SRF: variants seen among roughly 807,000 people sequenced by gnomAD.
SRF encodes c-fos serum response element-binding transcription factor.
In SRF, 7 loss-of-function variants were observed where a neutral mutation model predicts 37.1. That is an observed-to-expected ratio of 0.19 (90% CI 0.11 to 0.35). SRF has a LOEUF of 0.35. Among genes scored for constraint, SRF ranks in the 10% least tolerant of loss-of-function variants. The pLI is 1.00. For missense variants in SRF, 395 were observed against 694.4 expected (o/e 0.57, Z 4.85); for synonymous variants, 285 against 310.1 (o/e 0.92, Z 0.85).
chr6:43,179,319 C>T lies in SRF; in HGVS notation c.*129C>T. ...GGCGGGGAGGAGGAACGGGCAGCCA[C>T]AGGACTGAGCCCTCTCACTCCAGCC... On this transcript the variant is annotated 3_prime_UTR_variant, in exon 7 of 7. Coordinates refer to ENST00000265354, the MANE Select transcript of SRF (RefSeq NM_003131.4). This position sits in a 1 kb window ranked among gnomAD's most constrained non-coding sequence, Gnocchi z 5.3. 3 of 922,686 alleles carry T rather than the reference C, an allele frequency of 3.3e-6. No homozygotes were observed. The highest frequency in any genetic ancestry group is 5.0e-6 in the Non-Finnish European group (3 of 595,404). 57.2% of individuals were successfully genotyped at this position (922,686 alleles called of 1,614,324 possible).
In SRF at chr6:43,171,924, G is replaced by A; in HGVS notation, c.268G>A (p.Glu90Lys). 6.8e-7 allele frequency: 1 copy of A among 1,461,412 alleles called. No individual in the cohort carries two copies. Among genetic ancestry groups the A allele is most frequent in the Non-Finnish European group, 9.0e-7 (1 of 1,107,490 alleles). The allele number at this position is 1,461,412 out of a possible 1,614,324, so 90.5% of individuals were successfully genotyped here. ...CGACTCGGAGTCGGGCGAGGAGGAGGAGCTGGGCGCCGAGCGGCGCGGCCT... is the reference window on the plus strand; with the variant it reads ...CGACTCGGAGTCGGGCGAGGAGGAGAAGCTGGGCGCCGAGCGGCGCGGCCT... ...EGDSESGEEE[E>K]LGAERRGLKR... is the part of the protein sequence containing the mutation. Residue 90 changes from glutamate (E) to lysine (K), a missense_variant, in exon 1 of 7, where the codon GAG becomes AAG. Coordinates refer to ENST00000265354, the MANE Select transcript of SRF (RefSeq NM_003131.4). This position sits in a 1 kb window ranked among gnomAD's most constrained non-coding sequence, Gnocchi z 6.5.
chr6:43,178,959 C>T lies in SRF; in HGVS notation c.1431+77C>T, dbSNP rs1772254768. ...ACCTTAGGGGATCCTGTTACCAGTT[C>T]ATCAAAGCCAAAATCCCTAGCCTGG... On this transcript the variant is annotated intron_variant, in intron 6 of 6. Transcript: ENST00000265354. The surrounding 1 kb of genome is among the most constrained non-coding windows in gnomAD (Gnocchi z 4.3). 2 of 1,574,228 alleles carry T rather than the reference C, an allele frequency of 1.3e-6. No individual in the cohort carries two copies. Among genetic ancestry groups the T allele is most frequent in the Non-Finnish European group, 8.7e-7 (1 of 1,143,930 alleles).
rs1772096935 is a variant in SRF, at chr6:43,171,567, G to C, written c.-90G>C. On this transcript the variant is annotated 5_prime_UTR_variant, in exon 1 of 7. Coordinates refer to ENST00000265354, the MANE Select transcript of SRF (RefSeq NM_003131.4). The surrounding 1 kb of genome is among the most constrained non-coding windows in gnomAD (Gnocchi z 6.5). ...GATAGCGGCACTAGCAGCAGCGGGA[G>C]TGCCGGGTTGAGCCGGGAAGCCGAT... is the stretch of plus-strand genomic sequence containing the variant. 1 of 1,159,532 alleles carries C rather than the reference G, an allele frequency of 8.6e-7. No homozygotes were observed. The highest frequency in any genetic ancestry group is 1.6e-5 in the African/African-American group (1 of 61,750). 71.8% of individuals were successfully genotyped at this position (1,159,532 alleles called of 1,614,324 possible).
Position 43,176,677 on chromosome 6 carries a change from G to A in SRF, c.1162+10G>A, listed in dbSNP as rs1310215658. On this transcript the variant is annotated intron_variant, in intron 4 of 6. Coordinates refer to ENST00000265354, the MANE Select transcript of SRF (RefSeq NM_003131.4). This position sits in a 1 kb window ranked among gnomAD's most constrained non-coding sequence, Gnocchi z 4.0. ...TCCTCCAGCGGGACAGGTATAGCTC[G>A]CAGCCCTGTCACCCTCCCTCCCTGC... The A allele has an allele frequency of 2.4e-5, 39 of 1,612,346 alleles. No homozygotes were observed. Among genetic ancestry groups the A allele is most frequent in the East Asian group, 4.5e-5 (2 of 44,832 alleles).
At position 43,173,368 on chromosome 6, in the gene SRF, G is replaced by A. The variant is rs903043502; in HGVS notation, c.514-479G>A. ...ACAGGGCAAAAGGAGAAACTAGGCTGTGGCAACAAGTTGGAGCCTGTGCAG... is the reference window on the plus strand; with the variant it reads ...ACAGGGCAAAAGGAGAAACTAGGCTATGGCAACAAGTTGGAGCCTGTGCAG... On this transcript the variant is annotated intron_variant, in intron 1 of 6. Transcript: ENST00000265354. This position sits in a 1 kb window ranked among gnomAD's most constrained non-coding sequence, Gnocchi z 4.2. Among the ~76,000 whole-genome samples, 1 of 152,224 alleles carries A rather than the reference G, an allele frequency of 6.6e-6. No homozygotes were observed. The highest frequency in any genetic ancestry group is 2.4e-5 in the African/African-American group (1 of 41,448).
In SRF at chr6:43,171,628, T is replaced by C; in HGVS notation, c.-29T>C. On this transcript the variant is annotated 5_prime_UTR_variant, in exon 1 of 7. Transcript: ENST00000265354. The surrounding 1 kb of genome is among the most constrained non-coding windows in gnomAD (Gnocchi z 6.5). ...GCGGCGGCTCCGATTCCTCGCTGACTGCCCGTCCGCCCTCCTGCATCGAGC... is the reference window on the plus strand; with the variant it reads ...GCGGCGGCTCCGATTCCTCGCTGACCGCCCGTCCGCCCTCCTGCATCGAGC... The C allele has an allele frequency of 8.4e-7, 1 of 1,194,766 alleles. No homozygotes were observed. Among genetic ancestry groups the C allele is most frequent in the Non-Finnish European group, 1.0e-6 (1 of 962,692 alleles). The allele number at this position is 1,194,766 out of a possible 1,614,324, so 74.0% of individuals were successfully genotyped here. A position where few individuals can be genotyped will look rare whatever the true frequency, so the allele number is the denominator to read the frequency against.
Position 43,175,891 on chromosome 6 carries a change from G to A in SRF, c.966G>A (p.Val322=), listed in dbSNP as rs755100692. 6.2e-7 allele frequency: 1 copy of A among 1,614,184 alleles called. No individual in the cohort carries two copies. The highest frequency in any genetic ancestry group is 8.5e-7 in the Non-Finnish European group (1 of 1,180,034). Residue 322 remains valine (V), a synonymous_variant, in exon 3 of 7, where the codon GTG becomes GTA. Transcript: ENST00000265354. ...PSAVSSANGT[V]LKSTGSGPVS... is the part of the protein sequence containing the mutation. ...CTGTCAGCAGTGCCAATGGGACTGT[G>A]CTGAAGAGTACAGGCAGCGGCCCTG...
chr6:43,171,874 G>A lies in SRF; in HGVS notation c.218G>A (p.Gly73Glu). The A allele has an allele frequency of 7.4e-7, 1 of 1,343,018 alleles. No homozygotes were observed. The highest frequency in any genetic ancestry group is 9.5e-7 in the Non-Finnish European group (1 of 1,049,686). 83.2% of individuals were successfully genotyped at this position (1,343,018 alleles called of 1,614,324 possible). A position where few individuals can be genotyped will look rare whatever the true frequency, so the allele number is the denominator to read the frequency against. ...GCAACCACCCCGGCGCCCACCGCGG[G>A]GGCCCTCTACAGCGGCAGCGAGGGC... The part of the protein sequence containing the change: ...AAATTPAPTA[G>E]ALYSGSEGDS... The change falls in exon 1 of 7, where the codon GGG (glycine) becomes GAG (glutamate). Residue 73 changes from glycine (G) to glutamate (E), a missense_variant. Transcript: ENST00000265354. This position sits in a 1 kb window ranked among gnomAD's most constrained non-coding sequence, Gnocchi z 6.5.
Position 43,176,386 on chromosome 6 carries a change from G to C in SRF, c.1043-162G>C, listed in dbSNP as rs1375531726. ...CAAGAGTAGAGCGTGGAAGCCCCCA[G>C]AGTGGATACTTGGGCCTGAAGGGCC... On this transcript the variant is annotated intron_variant, in intron 3 of 6. Coordinates refer to ENST00000265354, the MANE Select transcript of SRF (RefSeq NM_003131.4). This position sits in a 1 kb window ranked among gnomAD's most constrained non-coding sequence, Gnocchi z 4.0. Among the ~76,000 whole-genome samples, 2 of 152,186 alleles carry C rather than the reference G, an allele frequency of 1.3e-5. No homozygotes were observed. Among genetic ancestry groups the C allele is most frequent in the Non-Finnish European group, 2.9e-5 (2 of 68,030 alleles).
At position 43,178,935 on chromosome 6, in the gene SRF, C is replaced by T; in HGVS notation, c.1431+53C>T. 1 of 1,594,202 alleles carries T rather than the reference C, an allele frequency of 6.3e-7. No individual in the cohort carries two copies. Among genetic ancestry groups the T allele is most frequent in the African/African-American group, 1.3e-5 (1 of 74,630 alleles). ...CCAGATAGCCACTTCTTTGTCTTGA[C>T]CTTAGGGGATCCTGTTACCAGTTCA... On this transcript the variant is annotated intron_variant, in intron 6 of 6. Transcript: ENST00000265354. This position sits in a 1 kb window ranked among gnomAD's most constrained non-coding sequence, Gnocchi z 4.3.
In SRF at chr6:43,176,675, T is replaced by C. The variant is rs771167599; in HGVS notation, c.1162+8T>C. On this transcript the variant is annotated splice_region_variant and intron_variant, in intron 4 of 6. Coordinates refer to ENST00000265354, the MANE Select transcript of SRF (RefSeq NM_003131.4). The surrounding 1 kb of genome is among the most constrained non-coding windows in gnomAD (Gnocchi z 4.0). ...CCTCCTCCAGCGGGACAGGTATAGC[T>C]CGCAGCCCTGTCACCCTCCCTCCCT... 3.1e-6 allele frequency: 5 copies of C among 1,612,852 alleles called. No individual in the cohort carries two copies. The highest frequency in any genetic ancestry group is 2.5e-6 in the Non-Finnish European group (3 of 1,179,254).
chr6:43,177,226 C>CTTTTTTTTTTTTTTTTTTTTT (rs1562000896), intron 4 of SRF, among the ~76,000 whole-genome samples: 2 of 109,358 alleles, frequency 1.8e-5, no homozygotes, highest in African/African-American at 1.1e-4. Context: ...GAATCGGAGT[C>CTTTTTTTTTTTTTTTTTTTTT]TGTTTTTTTT....
Position 43,172,295 on chromosome 6 carries a change from A to G in SRF, c.513+126A>G. 4.0e-6 allele frequency: 5 copies of G among 1,252,132 alleles called. No homozygotes were observed. The highest frequency in any genetic ancestry group is 2.9e-5 in the Admixed American group (1 of 34,544). The allele number at this position is 1,252,132 out of a possible 1,614,324, so 77.6% of individuals were successfully genotyped here. The stretch of plus-strand genomic sequence containing the variant: ...TGCGAGTCCGCAGGAGGTGTGTGGG[A>G]GGGGATGGCTCCTGCCCGGGGAGGG... On this transcript the variant is annotated intron_variant, in intron 1 of 6. Transcript: ENST00000265354. This position sits in a 1 kb window ranked among gnomAD's most constrained non-coding sequence, Gnocchi z 5.7.
chr6:43,179,348 G>T lies in SRF; in HGVS notation c.*158G>T. Reference sequence around the variant, plus strand: ...ACTGAGCCCTCTCACTCCAGCCAAAGAAATGGGCCTGCCTGCCTCCACCCG... The same window carrying T: ...ACTGAGCCCTCTCACTCCAGCCAAATAAATGGGCCTGCCTGCCTCCACCCG... On this transcript the variant is annotated 3_prime_UTR_variant, in exon 7 of 7. Transcript: ENST00000265354. This position sits in a 1 kb window ranked among gnomAD's most constrained non-coding sequence, Gnocchi z 5.3. 1 of 714,810 alleles carries T rather than the reference G, an allele frequency of 1.4e-6. No homozygotes were observed. Among genetic ancestry groups the T allele is most frequent in the Admixed American group, 2.4e-5 (1 of 40,976 alleles). The allele number at this position is 714,810 out of a possible 1,614,324, so 44.3% of individuals were successfully genotyped here.
Position 43,173,348 on chromosome 6 carries a change from G to A in SRF, c.514-499G>A, listed in dbSNP as rs372461777. On this transcript the variant is annotated intron_variant, in intron 1 of 6. Transcript: ENST00000265354. The surrounding 1 kb of genome is among the most constrained non-coding windows in gnomAD (Gnocchi z 4.2). Reference sequence around the variant, plus strand: ...AGTAAGGGCAGTAAAGTATTACAGGGCAAAAGGAGAAACTAGGCTGTGGCA... The same window carrying A: ...AGTAAGGGCAGTAAAGTATTACAGGACAAAAGGAGAAACTAGGCTGTGGCA... 6.6e-6 allele frequency among the ~76,000 whole-genome samples: 1 copy of A among 152,202 alleles called. No individual in the cohort carries two copies. The highest frequency in any genetic ancestry group is 2.4e-5 in the African/African-American group (1 of 41,432).
rs1239213347 is a variant in SRF at position 43,176,099 on chromosome 6, G to C, written c.1042+132G>C. 1 of 1,289,832 alleles carries C rather than the reference G, an allele frequency of 7.8e-7. No homozygotes were observed. Among genetic ancestry groups the C allele is most frequent in the African/African-American group, 1.5e-5 (1 of 67,392 alleles). The allele number at this position is 1,289,832 out of a possible 1,614,324, so 79.9% of individuals were successfully genotyped here. ...GGAAGGTGAATAGGGGCCAGAGCCT[G>C]AGCGAAGCCTCTTATATCCCGTTGG... On this transcript the variant is annotated intron_variant, in intron 3 of 6. Transcript: ENST00000265354. The surrounding 1 kb of genome is among the most constrained non-coding windows in gnomAD (Gnocchi z 4.0).
Position 43,178,545 on chromosome 6 carries a change from A to C in SRF, c.1354+60A>C. On this transcript the variant is annotated intron_variant, in intron 5 of 6. Transcript: ENST00000265354. This position sits in a 1 kb window ranked among gnomAD's most constrained non-coding sequence, Gnocchi z 4.3. ...CGTTTCCTTCTTTATACACACACACACACACACATACACACACATATGCAC... is the reference window on the plus strand; with the variant it reads ...CGTTTCCTTCTTTATACACACACACCCACACACATACACACACATATGCAC... 2 of 1,501,492 alleles carry C rather than the reference A, an allele frequency of 1.3e-6. No homozygotes were observed. The highest frequency in any genetic ancestry group is 1.8e-6 in the Non-Finnish European group (2 of 1,094,336). 93.0% of individuals were successfully genotyped at this position (1,501,492 alleles called of 1,614,324 possible). A position where few individuals can be genotyped will look rare whatever the true frequency, so the allele number is the denominator to read the frequency against.
rs1772319303 is a variant in SRF, at chr6:43,180,977, T to C, written c.*1787T>C. The C allele has an allele frequency of 6.6e-6, 1 of 152,560 alleles. No individual in the cohort carries two copies. The allele number at this position is 152,560 out of a possible 1,614,324, so 9.5% of individuals were successfully genotyped here. A position where few individuals can be genotyped will look rare whatever the true frequency, so the allele number is the denominator to read the frequency against. ...TTCTCCTGGAGATAGCTGGGGCTTA[T>C]GGGTGGCTTTCAAGGCTGGGGCATG... On this transcript the variant is annotated 3_prime_UTR_variant, in exon 7 of 7. Coordinates refer to ENST00000265354, the MANE Select transcript of SRF (RefSeq NM_003131.4).
chr6:43,178,231 G>T lies in SRF; in HGVS notation c.1163-63G>T. On this transcript the variant is annotated intron_variant, in intron 4 of 6. Coordinates refer to ENST00000265354, the MANE Select transcript of SRF (RefSeq NM_003131.4). This position sits in a 1 kb window ranked among gnomAD's most constrained non-coding sequence, Gnocchi z 4.3. ...GGGCTCTGGGGGCCTGGAATTCCTA[G>T]GGACGGAATGGGAGTTATCAGTGGG... 6.7e-7 allele frequency: 1 copy of T among 1,481,798 alleles called. No homozygotes were observed. Among genetic ancestry groups the T allele is most frequent in the Non-Finnish European group, 9.0e-7 (1 of 1,105,442 alleles). 91.8% of individuals were successfully genotyped at this position (1,481,798 alleles called of 1,614,324 possible). A position where few individuals can be genotyped will look rare whatever the true frequency, so the allele number is the denominator to read the frequency against.
Sources: gnomAD v4.1 joint callset for allele counts (sites outside exome capture counted in the v4.1 genomes callset) on GRCh38, gnomAD v4.1.1 for gene constraint, Gnocchi (gnomAD v3.1) non-coding constraint, MANE v1.5 for transcripts, NCBI Gene and HGNC (gene_info 2026-07-23, HGNC 2026-07-21) for gene names.